The following LRP1B variants were observed in gnomAD, a reference collection of about 807,000 sequenced individuals.
LRP1B encodes LDL receptor related protein 1B.
In LRP1B, 217 loss-of-function variants were observed where a neutral mutation model predicts 556.6. The observed-to-expected ratio is 0.39, with a 90% CI of 0.35 to 0.44. The LOEUF (loss-of-function observed/expected upper bound fraction) is 0.44, where lower values mean the gene tolerates loss of function less well. LRP1B is among the 20% of genes least tolerant of loss of function. The pLI, the probability that LRP1B is intolerant of heterozygous loss-of-function variation, is 1.00. For missense variants in LRP1B, 5,053 were observed against 5,620.8 expected (o/e 0.90, Z 3.23); for synonymous variants, 2,047 against 1,865.8 (o/e 1.10, Z -2.50).
intron 2 of LRP1B, among the ~76,000 whole-genome samples, chr2:141,742,236 G>C (rs1019742305): frequency 1.5e-3 from 210 of 144,024 alleles, no homozygotes; most frequent in Non-Finnish European, 2.5e-3. Context: ...GATTCCTCCA[G>C]TTTTTTTTTT....
intron 18 of LRP1B, among the ~76,000 whole-genome samples, chr2:140,964,644 G>C (rs1408120243): frequency 6.6e-6 from 1 of 150,490 alleles, no homozygotes; most frequent in Admixed American, 6.6e-5. Flanking sequence ...GTTTTTCCTA[G>C]GCTATGATTA....
At chr2:140,789,211 C>T (rs1242147512) in intron 32 of LRP1B, among the ~76,000 whole-genome samples, 2 of 152,058 alleles carry the variant, frequency 1.3e-5, no homozygotes, top group Non-Finnish European at 2.9e-5. Context: ...AAAACGGGAG[C>T]CACTGAGAGA....
intron 66 of LRP1B, among the ~76,000 whole-genome samples, chr2:140,436,044 G>A (rs909348576): frequency 6.6e-6 from 1 of 151,130 alleles, no homozygotes; most frequent in Non-Finnish European, 1.5e-5. Context: ...CATACAAAAA[G>A]TCATTAGCAG....
intron 1 of LRP1B, among the ~76,000 whole-genome samples, chr2:141,837,473 G>GA (rs1170726025): frequency 1.3e-5 from 2 of 152,036 alleles, no homozygotes; most frequent in Middle Eastern, 3.4e-3. Context: ...AAGTTATGAT[G>GA]AAAAAATCTT....
rs538010580 is a variant in LRP1B, at chr2:141,375,939, C to T, written c.343+104457G>A. 5.3e-5 allele frequency among the ~76,000 whole-genome samples: 8 copies of T among 152,198 alleles called. No homozygotes were observed. The South Asian group carries it at 1.0e-3, about 20-fold the overall frequency. ...ACTCATAATTAAACTCTCAAAATGGCGCCTTGCTTGTCCTTCCCAGGCAAG... is the reference window on the plus strand; with the variant it reads ...ACTCATAATTAAACTCTCAAAATGGTGCCTTGCTTGTCCTTCCCAGGCAAG... On this transcript the variant is annotated intron_variant, in intron 3 of 90. Coordinates refer to ENST00000389484, the MANE Select transcript of LRP1B (RefSeq NM_018557.3).
intron 23 of LRP1B, among the ~76,000 whole-genome samples, chr2:140,902,408 A>T (rs1371124984): frequency 6.6e-6 from 1 of 152,212 alleles, no homozygotes; most frequent in Admixed American, 6.5e-5. Flanking sequence ...GGTCACATAA[A>T]GAATGAATGT....
intron 7 of LRP1B, among the ~76,000 whole-genome samples, chr2:141,156,691 T>C (rs1481978835): frequency 6.6e-6 from 1 of 151,876 alleles, no homozygotes; most frequent in African/African-American, 2.4e-5. Context: ...AATGGCATGT[T>C]ACATGCTGAG....
At chr2:140,280,125 T>C (rs1404109512) in intron 84 of LRP1B, among the ~76,000 whole-genome samples, 1 of 151,698 alleles carries the variant, frequency 6.6e-6, no homozygotes. Flanking sequence ...TCCCCAAAAA[T>C]AAAGGAGACA....
At chr2:140,435,728 C>G (rs1359891686) in intron 66 of LRP1B, among the ~76,000 whole-genome samples, 5 of 151,418 alleles carry the variant, frequency 3.3e-5, no homozygotes, top group African/African-American at 1.2e-4. Flanking sequence ...GGTGGAGAGT[C>G]AATGCACAAA....
chr2:141,861,055 G>A (rs776466722), intron 1 of LRP1B, among the ~76,000 whole-genome samples: 9 of 152,134 alleles, frequency 5.9e-5, no homozygotes, highest in Non-Finnish European at 1.0e-4. Context: ...CTCTAACAAT[G>A]TATACGATAA....
chr2:140,496,533 A>C (rs545785010), intron 55 of LRP1B, among the ~76,000 whole-genome samples: 3 of 152,228 alleles, frequency 2.0e-5, no homozygotes, highest in Non-Finnish European at 4.4e-5. Flanking sequence ...CAGCATCTCT[A>C]TGATGTTTTA....
At chr2:141,639,437 A>T (rs355542) in intron 2 of LRP1B, among the ~76,000 whole-genome samples, 1 of 138,524 alleles carries the variant, frequency 7.2e-6, no homozygotes, top group Non-Finnish European at 1.5e-5. Flanking sequence ...TTTTTGAGAC[A>T]GAGTCTCACT....
chr2:140,799,269 T>C (rs750392504), intron 32 of LRP1B, among the ~76,000 whole-genome samples: 1 of 152,098 alleles, frequency 6.6e-6, no homozygotes, highest in Non-Finnish European at 1.5e-5. Flanking sequence ...TAATTAGTTT[T>C]AGATGAGGTC....
intron 7 of LRP1B, among the ~76,000 whole-genome samples, chr2:141,162,154 G>A (rs1680063515): frequency 6.6e-6 from 1 of 152,064 alleles, no homozygotes; most frequent in African/African-American, 2.4e-5. Context: ...ATGAGGATGA[G>A]AGGATTACAA....
chr2:141,939,961 T>C (rs1700747402), intron 1 of LRP1B, among the ~76,000 whole-genome samples: 1 of 152,154 alleles, frequency 6.6e-6, no homozygotes, highest in African/African-American at 2.4e-5. Context: ...TGTCACATTA[T>C]ATGCAATATC....
At chr2:140,431,729 C>G (rs1466476236) in intron 66 of LRP1B, among the ~76,000 whole-genome samples, 2 of 152,072 alleles carry the variant, frequency 1.3e-5, no homozygotes, top group Non-Finnish European at 2.9e-5. Flanking sequence ...TCAATTCATT[C>G]AAAACTGTAT....
chr2:141,083,032 G>A (rs970479569), intron 7 of LRP1B, among the ~76,000 whole-genome samples: 9 of 152,088 alleles, frequency 5.9e-5, no homozygotes, highest in African/African-American at 1.7e-4. Context: ...AATGATCCAA[G>A]CTAATCAAAT....
At chr2:141,924,758 C>T (rs1574497257) in intron 1 of LRP1B, among the ~76,000 whole-genome samples, 2 of 152,174 alleles carry the variant, frequency 1.3e-5, no homozygotes, top group African/African-American at 2.4e-5. Context: ...TCTCCCATTT[C>T]GTCATGTGGG....
chr2:141,398,353 G>T (rs921796420), intron 3 of LRP1B, among the ~76,000 whole-genome samples: 18 of 152,314 alleles, frequency 1.2e-4, no homozygotes, highest in African/African-American at 3.6e-4. Context: ...TTTAAAGTAT[G>T]CTCAAAAGGT....
Sources: allele counts gnomAD v4.1 joint callset (sites outside exome capture counted in the v4.1 genomes callset), GRCh38; gene constraint gnomAD v4.1.1; transcripts MANE v1.5; gene names NCBI Gene and HGNC (gene_info 2026-07-23, HGNC 2026-07-21).